LRRC38: variants seen among roughly 807,000 people sequenced by gnomAD.
LRRC38 encodes the protein leucine rich repeat containing 38.
LRRC38 carries 5 observed loss-of-function variants against 16.4 expected under a neutral mutation model. The observed-to-expected ratio is 0.31, with a 90% CI of 0.16 to 0.64. The LOEUF (loss-of-function observed/expected upper bound fraction) is 0.64. Among genes scored for constraint, LRRC38 ranks in the 30% least tolerant of loss-of-function variants. The pLI is 0.80. For missense variants in LRRC38, 341 were observed against 401.8 expected, an observed-to-expected ratio of 0.85 and a Z score of 1.29; for synonymous variants, 191 against 190.2, an observed-to-expected ratio of 1.00 and a Z score of -0.04.
intron 1 of LRRC38, among the ~76,000 whole-genome samples, chr1:13,508,494 T>C (rs970228216): frequency 2.6e-5 from 4 of 152,182 alleles, no homozygotes; most frequent in African/African-American, 9.6e-5. Context: ...CCCAATTCAG[T>C]AACAGAAAAA....
At chr1:13,484,272 A>C (rs1638905936) in intron 1 of LRRC38, among the ~76,000 whole-genome samples, 1 of 150,464 alleles carries the variant, frequency 6.6e-6, no homozygotes, top group Non-Finnish European at 1.5e-5. Context: ...CGCTCTCCCC[A>C]CCCCATCATC....
intron 1 of LRRC38, among the ~76,000 whole-genome samples, chr1:13,492,106 A>G (rs1297977062): frequency 1.3e-5 from 2 of 152,176 alleles, no homozygotes; most frequent in East Asian, 1.9e-4. Context: ...CGCATTAAAT[A>G]CTAACTCCCC....
chr1:13,492,268 G>A (rs922294288), intron 1 of LRRC38, among the ~76,000 whole-genome samples: 6 of 152,152 alleles, frequency 3.9e-5, no homozygotes, highest in African/African-American at 7.2e-5. Flanking sequence ...AGGTTCATCC[G>A]CGTTGTAATG....
At chr1:13,501,954 G>T (rs530661150) in intron 1 of LRRC38, among the ~76,000 whole-genome samples, 1 of 151,404 alleles carries the variant, frequency 6.6e-6, no homozygotes, top group East Asian at 2.0e-4. Flanking sequence ...GGGGGATGGA[G>T]TCTTGCTCTG....
intron 1 of LRRC38, among the ~76,000 whole-genome samples, chr1:13,493,994 C>T (rs1205956594): frequency 6.6e-6 from 1 of 152,226 alleles, no homozygotes; most frequent in Non-Finnish European, 1.5e-5. Context: ...ACCCAGGAGG[C>T]GGAGGTTGCG....
At chr1:13,503,903 G>T (rs1220203745) in intron 1 of LRRC38, among the ~76,000 whole-genome samples, 2 of 152,268 alleles carry the variant, frequency 1.3e-5, no homozygotes, top group Non-Finnish European at 2.9e-5. Context: ...GTATCCAGCT[G>T]GGAGGATGGA....
chr1:13,500,852 G>A (rs540404859), intron 1 of LRRC38, among the ~76,000 whole-genome samples: 2 of 152,174 alleles, frequency 1.3e-5, no homozygotes, highest in Non-Finnish European at 2.9e-5. Flanking sequence ...ATGATACGAC[G>A]TTCTGGAAAA....
At chr1:13,481,599 G>A (rs927682558) in intron 1 of LRRC38, among the ~76,000 whole-genome samples, 2 of 151,584 alleles carry the variant, frequency 1.3e-5, no homozygotes, top group Admixed American at 1.3e-4. Flanking sequence ...GTTTCACCGT[G>A]TTAGCCAGGA....
chr1:13,513,483 C>T lies in LRRC38; in HGVS notation c.111G>A (p.Pro37=), dbSNP rs1335309858. 12 of 1,537,798 alleles carry T rather than the reference C, an allele frequency of 7.8e-6. No homozygotes were observed. The highest frequency in any genetic ancestry group is 1.1e-5 in the Non-Finnish European group (12 of 1,140,982). The change falls in exon 1 of 2, where the codon CCG becomes CCA. Residue 37 remains proline (P), a synonymous_variant. Transcript: ENST00000376085. ...CGCGGTCGCGGCAGTCCACGGTGTG[C>T]GGGTCGGTGCAGGCGCAGCCCGCGG... ...ACPAGCACTD[P]HTVDCRDRGL... is the part of the protein sequence containing the mutation.
intron 1 of LRRC38, among the ~76,000 whole-genome samples, chr1:13,488,887 G>A (rs1355371558): frequency 6.6e-6 from 1 of 152,156 alleles, no homozygotes; most frequent in East Asian, 1.9e-4. Flanking sequence ...AAGTATGGTC[G>A]ATCCAGCCCA....
chr1:13,494,927 A>C (rs1569926659), intron 1 of LRRC38, among the ~76,000 whole-genome samples: 1 of 152,234 alleles, frequency 6.6e-6, no homozygotes, highest in African/African-American at 2.4e-5. Flanking sequence ...TGCTTTCGGC[A>C]GGTGTTTGGT....
At chr1:13,492,338 C>T (rs552756605) in intron 1 of LRRC38, among the ~76,000 whole-genome samples, 16 of 152,230 alleles carry the variant, frequency 1.1e-4, no homozygotes, top group Admixed American at 6.5e-4. Context: ...GGATAGACAA[C>T]GTGTTGTTGT....
chr1:13,475,715 AGACACGGAACAGGCTC>A lies in LRRC38; in HGVS notation c.*115_*130del. ...TCCCAGCAGGTGTACCCAGGGGCCA[AGACACGGAACAGGCTC>A]TGTTCAGTTCACAGATGGTGGCCAG... On this transcript the variant is annotated 3_prime_UTR_variant, in exon 2 of 2. Coordinates refer to ENST00000376085, the MANE Select transcript of LRRC38 (RefSeq NM_001010847.2). The surrounding 1 kb of genome is among the most constrained non-coding windows in gnomAD (Gnocchi z 4.3). The A allele has an allele frequency of 8.2e-7, 1 of 1,223,572 alleles. No individual in the cohort carries two copies. The highest frequency in any genetic ancestry group is 1.1e-6 in the Non-Finnish European group (1 of 896,460). The allele number at this position is 1,223,572 out of a possible 1,614,324, so 75.8% of individuals were successfully genotyped here.
chr1:13,498,716 C>G (rs1373549500), intron 1 of LRRC38, among the ~76,000 whole-genome samples: 1 of 152,216 alleles, frequency 6.6e-6, no homozygotes, highest in Admixed American at 6.5e-5. Context: ...CTCCCTGCCT[C>G]TGGCAAGTGA....
At chr1:13,499,612 G>A (rs980050480) in intron 1 of LRRC38, among the ~76,000 whole-genome samples, 4 of 152,178 alleles carry the variant, frequency 2.6e-5, no homozygotes, top group African/African-American at 9.7e-5. Context: ...TAACAAAGGG[G>A]CTGGTTACAA....
chr1:13,504,220 T>A (rs1639183068), intron 1 of LRRC38, among the ~76,000 whole-genome samples: 1 of 137,130 alleles, frequency 7.3e-6, no homozygotes, highest in South Asian at 2.7e-4. Context: ...AGAGATGCTA[T>A]CACCTACATT....
intron 1 of LRRC38, among the ~76,000 whole-genome samples, chr1:13,504,254 G>A (rs746704283): frequency 6.6e-6 from 1 of 152,148 alleles, no homozygotes; most frequent in Non-Finnish European, 1.5e-5. Context: ...TGAGGACCAG[G>A]AACATCAGGG....
intron 1 of LRRC38, among the ~76,000 whole-genome samples, chr1:13,511,316 G>A (rs993869986): frequency 6.6e-6 from 1 of 152,124 alleles, no homozygotes; most frequent in African/African-American, 2.4e-5. Context: ...AAAAACTGGA[G>A]TGACCCACCC....
chr1:13,507,118 G>A (rs1209937166), intron 1 of LRRC38, among the ~76,000 whole-genome samples: 1 of 152,208 alleles, frequency 6.6e-6, no homozygotes, highest in Non-Finnish European at 1.5e-5. Flanking sequence ...ATGACCCTGT[G>A]GGGGCTCTCC....
Sources: gnomAD v4.1 joint callset for allele counts (sites outside exome capture counted in the v4.1 genomes callset) on GRCh38, gnomAD v4.1.1 for gene constraint, Gnocchi (gnomAD v3.1) non-coding constraint, MANE v1.5 for transcripts, NCBI Gene and HGNC (gene_info 2026-07-23, HGNC 2026-07-21) for gene names.